The following SPATA13 variants were observed in gnomAD, a reference collection of about 807,000 sequenced individuals.
The protein encoded by SPATA13 is spermatogenesis-associated protein 13.
A neutral mutation model predicts 104.0 loss-of-function variants in SPATA13; 50 were observed. The observed-to-expected ratio is 0.48, with a 90% CI of 0.38 to 0.61. The LOEUF (loss-of-function observed/expected upper bound fraction) is 0.61. Ranked by LOEUF, SPATA13 falls within the 20% of genes least tolerant of loss-of-function variation. The probability of loss-of-function intolerance (pLI) is 0.00; values close to 1 mark genes in which losing one functional copy is unlikely to be tolerated. For missense variants in SPATA13, 1,524 were observed against 1,690.6 expected, an observed-to-expected ratio of 0.90 and a Z score of 1.73; for synonymous variants, 606 against 667.5, an observed-to-expected ratio of 0.91 and a Z score of 1.42.
intron 7 of SPATA13, 131 bp downstream of exon 7, chr13:24,287,081 G>A: frequency 1.4e-6 from 1 of 739,378 alleles, no homozygotes; most frequent in Non-Finnish European, 2.1e-6. Flanking sequence ...CTCCGCCTCT[G>A]CTGTCTGCAC....
intron 2 of SPATA13, among the ~76,000 whole-genome samples, chr13:24,231,031 C>T (rs1273026430): frequency 6.6e-6 from 1 of 152,130 alleles, no homozygotes; most frequent in African/African-American, 2.4e-5. Flanking sequence ...CAGCCACTAC[C>T]ACCGTCCAGC....
intron 1 of SPATA13, among the ~76,000 whole-genome samples, chr13:24,166,293 G>A: frequency 6.6e-6 from 1 of 152,210 alleles, no homozygotes; most frequent in East Asian, 1.9e-4. Context: ...AAGCAAAGCA[G>A]TGAAAAGTAG....
intron 3 of SPATA13, among the ~76,000 whole-genome samples, chr13:24,143,346 T>C (rs1453672796): frequency 6.6e-6 from 1 of 152,084 alleles, no homozygotes; most frequent in Admixed American, 6.5e-5. Context: ...CTCCCATTTT[T>C]CCCCAATATT....
chr13:24,134,571 T>A (rs1036694240), intron 3 of SPATA13, among the ~76,000 whole-genome samples: 2 of 152,178 alleles, frequency 1.3e-5, no homozygotes, highest in Admixed American at 1.3e-4. Context: ...TGGTTTGTTT[T>A]TTTAGCACGG....
chr13:24,177,975 G>A (rs1339623328), intron 1 of SPATA13, among the ~76,000 whole-genome samples: 1 of 152,052 alleles, frequency 6.6e-6, no homozygotes, highest in East Asian at 1.9e-4. Flanking sequence ...TCCTGCCTCA[G>A]CCTCCCAAGT....
chr13:24,026,730 A>G (rs868660040), intron 3 of SPATA13, among the ~76,000 whole-genome samples: 11 of 152,234 alleles, frequency 7.2e-5, no homozygotes, highest in Middle Eastern at 3.4e-3. Flanking sequence ...GGTGCCCGCC[A>G]CCACGTCCAG....
chr13:24,148,803 G>T (rs1019674997), intron 3 of SPATA13, among the ~76,000 whole-genome samples: 1 of 152,224 alleles, frequency 6.6e-6, no homozygotes, highest in Non-Finnish European at 1.5e-5. Context: ...TGTCCAGAGA[G>T]ATCTGGAAAG....
Position 24,011,693 on chromosome 13 carries a change from G to T in SPATA13, c.-146-5974G>T, listed in dbSNP as rs1876477577. On this transcript the variant is annotated intron_variant, in intron 2 of 14. Transcript: ENST00000424834. The surrounding 1 kb of genome is among the most constrained non-coding windows in gnomAD (Gnocchi z 4.3). ...AAAACACCAGGCTCTAACTCTACTA[G>T]TTAAGCAGGAGCCTGGGAGTCTCCA... 6.6e-6 allele frequency among the ~76,000 whole-genome samples: 1 copy of T among 152,202 alleles called. No homozygotes were observed. The highest frequency in any genetic ancestry group is 1.5e-5 in the Non-Finnish European group (1 of 68,040).
intron 2 of SPATA13, 185 bp downstream of exon 2, chr13:24,224,767 A>G (rs1182229915): frequency 5.9e-6 from 4 of 682,486 alleles, no homozygotes; most frequent in Admixed American, 2.1e-5. Flanking sequence ...AGTAATCTCT[A>G]TCTCCTTTGA....
intron 2 of SPATA13, among the ~76,000 whole-genome samples, chr13:24,238,785 T>C (rs1242489675): frequency 6.6e-6 from 1 of 152,256 alleles, no homozygotes; most frequent in Non-Finnish European, 1.5e-5. Flanking sequence ...TTTTACTCTT[T>C]GTGATATAAA....
intron 3 of SPATA13, among the ~76,000 whole-genome samples, chr13:24,067,940 G>T (rs998121524): frequency 7.9e-5 from 12 of 152,166 alleles, no homozygotes; most frequent in African/African-American, 2.9e-4. Flanking sequence ...CTGACCTCAG[G>T]TGATCTGCAT....
At chr13:24,148,453 T>C (rs1013946520) in intron 3 of SPATA13, among the ~76,000 whole-genome samples, 1 of 152,176 alleles carries the variant, frequency 6.6e-6, no homozygotes, top group Non-Finnish European at 1.5e-5. Flanking sequence ...AACCCTGTGC[T>C]GTATTACCTA....
intron 3 of SPATA13, among the ~76,000 whole-genome samples, chr13:24,140,381 A>G (rs1480244302): frequency 6.6e-6 from 1 of 152,260 alleles, no homozygotes; most frequent in Non-Finnish European, 1.5e-5. Context: ...TTTTCAAAAT[A>G]TAAAAGGTTC....
At chr13:24,040,944 G>GA (rs1458527568) in intron 3 of SPATA13, among the ~76,000 whole-genome samples, 1 of 152,220 alleles carries the variant, frequency 6.6e-6, no homozygotes, top group Non-Finnish European at 1.5e-5. Context: ...GCCCCTGGGG[G>GA]AGACTCGGAG....
chr13:24,254,028 T>TG lies in SPATA13; in HGVS notation c.2164+2172dup, dbSNP rs201532872. ...ATGCTTAGAGAGGGAGGGCAGTTTG[T>TG]GGGGGGAAAGGAAGAGGAATGGAGA... On this transcript the variant is annotated intron_variant, in intron 4 of 12. Coordinates refer to ENST00000382108, the MANE Select transcript of SPATA13 (RefSeq NM_001166271.3). Among the ~76,000 whole-genome samples, 455 of 152,002 alleles carry TG rather than the reference T, an allele frequency of 3.0e-3. 6 individuals carry two copies. Among genetic ancestry groups the TG allele is most frequent in the African/African-American group, 0.011 (437 of 41,402 alleles).
At chr13:24,072,307 T>A (rs1210668826) in intron 3 of SPATA13, among the ~76,000 whole-genome samples, 1 of 152,210 alleles carries the variant, frequency 6.6e-6, no homozygotes, top group Non-Finnish European at 1.5e-5. Context: ...GAAGAGAAAC[T>A]GTCTTTAAAA....
At chr13:24,184,511 T>C (rs1869023314) in intron 1 of SPATA13, among the ~76,000 whole-genome samples, 1 of 152,204 alleles carries the variant, frequency 6.6e-6, no homozygotes. Context: ...ATTATCACTT[T>C]TTTGGTGGTA....
intron 3 of SPATA13, among the ~76,000 whole-genome samples, chr13:24,091,912 G>A (rs949580927): frequency 6.6e-6 from 1 of 152,132 alleles, no homozygotes; most frequent in African/African-American, 2.4e-5. Flanking sequence ...TGGCTGCTAG[G>A]CTGCTGTTCT....
intron 2 of SPATA13, among the ~76,000 whole-genome samples, chr13:24,249,160 G>A (rs1457637656): frequency 1.3e-5 from 2 of 152,168 alleles, no homozygotes; most frequent in Non-Finnish European, 2.9e-5. Flanking sequence ...ATGAGCCACC[G>A]CATCCGGCCA....
Sources: gnomAD v4.1 joint callset for allele counts (sites outside exome capture counted in the v4.1 genomes callset) on GRCh38, gnomAD v4.1.1 for gene constraint, Gnocchi (gnomAD v3.1) non-coding constraint, MANE v1.5 for transcripts, NCBI Gene and HGNC (gene_info 2026-07-23, HGNC 2026-07-21) for gene names.